The following KCTD8 variants were observed in gnomAD, a reference collection of about 807,000 sequenced individuals.
KCTD8 encodes the protein potassium channel tetramerization domain containing 8.
Under a neutral mutation model 31.5 loss-of-function variants are expected in KCTD8, and 27 were observed. The observed-to-expected ratio is 0.86, with a 90% CI of 0.63 to 1.18. The LOEUF is 1.18. Ranked by LOEUF, KCTD8 falls within the 50% of genes most tolerant of loss-of-function variation. The pLI is 0.00. For synonymous variants in KCTD8, 290 were observed against 280.0 expected (o/e 1.04, Z -0.36); for missense variants, 658 against 647.7 (o/e 1.02, Z -0.17).
At chr4:44,194,306 T>A (rs186605176) in intron 1 of KCTD8, among the ~76,000 whole-genome samples, 3 of 152,256 alleles carry the variant, frequency 2.0e-5, no homozygotes, top group Admixed American at 2.0e-4. Context: ...AATAACCCCA[T>A]TAACATCAAT....
chr4:44,178,363 G>A (rs999311109), intron 1 of KCTD8, among the ~76,000 whole-genome samples: 1 of 152,040 alleles, frequency 6.6e-6, no homozygotes, highest in Non-Finnish European at 1.5e-5. Flanking sequence ...ATATGAAGCC[G>A]GGAGTGGTGG....
At chr4:44,406,444 T>C (rs1164266839) in intron 1 of KCTD8, among the ~76,000 whole-genome samples, 1 of 152,134 alleles carries the variant, frequency 6.6e-6, no homozygotes, top group East Asian at 1.9e-4. Context: ...ACTGTTCTCA[T>C]GGTAGTGAAT....
rs779708852 is a variant in KCTD8, at chr4:44,174,181, A to G, written c.*609T>C. The G allele has an allele frequency of 3.9e-5, 6 of 152,610 alleles. No homozygotes were observed. Among genetic ancestry groups the G allele is most frequent in the Non-Finnish European group, 5.9e-5 (4 of 68,026 alleles). 9.5% of individuals were successfully genotyped at this position (152,610 alleles called of 1,614,324 possible). On this transcript the variant is annotated 3_prime_UTR_variant, in exon 2 of 2. Transcript: ENST00000360029. ...ACAGATCCAGAACAAAGAAAATTCA[A>G]TCTCCTAGACAGCTTACATTTATAG...
At chr4:44,177,680 C>T (rs1391584234) in intron 1 of KCTD8, among the ~76,000 whole-genome samples, 2 of 152,192 alleles carry the variant, frequency 1.3e-5, no homozygotes, top group Admixed American at 6.5e-5. Context: ...CTCCTCCTTG[C>T]CTTCTGTCAT....
intron 1 of KCTD8, among the ~76,000 whole-genome samples, chr4:44,177,728 C>A (rs1713259979): frequency 6.6e-6 from 1 of 152,172 alleles, no homozygotes; most frequent in Non-Finnish European, 1.5e-5. Context: ...AACTTTAAGT[C>A]AATTAAACCT....
At chr4:44,290,980 T>C (rs1717255485) in intron 1 of KCTD8, among the ~76,000 whole-genome samples, 1 of 151,978 alleles carries the variant, frequency 6.6e-6, no homozygotes, top group Non-Finnish European at 1.5e-5. Context: ...AATTGAATGA[T>C]ATTGAGAAGC....
In KCTD8 at chr4:44,348,230, A is replaced by C. The variant is rs1034049777; in HGVS notation, c.961+99333T>G. Among the ~76,000 whole-genome samples, 150 of 152,326 alleles carry C rather than the reference A, an allele frequency of 9.8e-4. 1 individual carries two copies. The highest frequency in any genetic ancestry group is 3.5e-3 in the African/African-American group (147 of 41,574). ...TAAAATGGCACAGTTAATTGGGCTA[A>C]ATATTAGACAAGTAAAGAATATTCA... On this transcript the variant is annotated intron_variant, in intron 1 of 1. Coordinates refer to ENST00000360029, the MANE Select transcript of KCTD8 (RefSeq NM_198353.3).
At chr4:44,233,685 A>G (rs559396776) in intron 1 of KCTD8, among the ~76,000 whole-genome samples, 1 of 152,306 alleles carries the variant, frequency 6.6e-6, no homozygotes, top group South Asian at 2.1e-4. Context: ...AGGGATATCA[A>G]AGGTTACCAA....
intron 1 of KCTD8, among the ~76,000 whole-genome samples, chr4:44,226,215 C>T (rs960540887): frequency 2.0e-5 from 3 of 152,050 alleles, no homozygotes; most frequent in South Asian, 2.1e-4. Flanking sequence ...TGACAGGCCC[C>T]GGTGTGTGAT....
intron 1 of KCTD8, among the ~76,000 whole-genome samples, chr4:44,264,084 G>A (rs904882849): frequency 3.3e-5 from 5 of 151,996 alleles, no homozygotes; most frequent in Non-Finnish European, 7.4e-5. Flanking sequence ...CTATCTCAAG[G>A]AATAATTACA....
intron 1 of KCTD8, among the ~76,000 whole-genome samples, chr4:44,384,265 A>G (rs1266080721): frequency 1.3e-5 from 2 of 151,934 alleles, no homozygotes; most frequent in African/African-American, 4.8e-5. Flanking sequence ...AAGTTCCTCA[A>G]AAAACCACAA....
At chr4:44,436,387 TG>T (rs1173530091) in intron 1 of KCTD8, among the ~76,000 whole-genome samples, 1 of 151,906 alleles carries the variant, frequency 6.6e-6, no homozygotes, top group Non-Finnish European at 1.5e-5. Context: ...GAAACAGAGA[TG>T]GATGGAGTGA....
rs536014308 is a variant in KCTD8, at chr4:44,304,075, C to G, written c.962-128825G>C. 4.6e-5 allele frequency among the ~76,000 whole-genome samples: 7 copies of G among 152,190 alleles called. No homozygotes were observed. In the East Asian group the frequency reaches 1.2e-3, roughly 25 times the overall value. ...CCAGACTCTAACATCACCTTATGTA[C>G]TAAGGAGTCATTATCCAACTTGAGA... is the stretch of plus-strand genomic sequence containing the variant. On this transcript the variant is annotated intron_variant, in intron 1 of 1. Transcript: ENST00000360029.
chr4:44,224,031 T>C (rs1714879751), intron 1 of KCTD8, among the ~76,000 whole-genome samples: 1 of 152,212 alleles, frequency 6.6e-6, no homozygotes. Context: ...TTCCTCTCTC[T>C]CTTCAATTCA....
At chr4:44,220,553 C>T (rs371600722) in intron 1 of KCTD8, among the ~76,000 whole-genome samples, 2 of 152,210 alleles carry the variant, frequency 1.3e-5, no homozygotes, top group East Asian at 1.9e-4. Flanking sequence ...TTCTGCAATC[C>T]ACTAAGGAGC....
chr4:44,231,591 T>C (rs1481472559), intron 1 of KCTD8, among the ~76,000 whole-genome samples: 3 of 152,198 alleles, frequency 2.0e-5, no homozygotes, highest in Admixed American at 6.5e-5. Context: ...TCTTTGAATA[T>C]GTAGTCTAAA....
At chr4:44,295,425 A>G (rs957880975) in intron 1 of KCTD8, among the ~76,000 whole-genome samples, 1 of 152,146 alleles carries the variant, frequency 6.6e-6, no homozygotes, top group African/African-American at 2.4e-5. Flanking sequence ...TCTAAGACCC[A>G]AGAGAGCCCC....
chr4:44,303,907 C>A (rs1560420887), intron 1 of KCTD8, among the ~76,000 whole-genome samples: 1 of 152,046 alleles, frequency 6.6e-6, no homozygotes, highest in Non-Finnish European at 1.5e-5. Flanking sequence ...AGATCATTAG[C>A]AGAAAAGGTA....
chr4:44,225,406 T>G (rs1277118097), intron 1 of KCTD8, among the ~76,000 whole-genome samples: 2 of 152,230 alleles, frequency 1.3e-5, no homozygotes, highest in Non-Finnish European at 2.9e-5. Flanking sequence ...CACAGTTATG[T>G]CTATTCAATT....
Sources: allele counts gnomAD v4.1 joint callset (sites outside exome capture counted in the v4.1 genomes callset), GRCh38; gene constraint gnomAD v4.1.1; transcripts MANE v1.5; gene names NCBI Gene and HGNC (gene_info 2026-07-23, HGNC 2026-07-21).